Variants in RFX3 observed in about 807,000 individuals in gnomAD.
RFX3 encodes regulatory factor X3, also known as transcription factor RFX3.
In RFX3, 14 loss-of-function variants were observed where a neutral mutation model predicts 98.6. The observed-to-expected ratio is 0.14, with a 90% CI of 0.09 to 0.22. The LOEUF is 0.22. Among genes scored for constraint, RFX3 ranks in the 10% least tolerant of loss-of-function variants. The pLI is 1.00. For missense variants in RFX3, 639 were observed against 926.9 expected (o/e 0.69, Z 4.03); for synonymous variants, 383 against 328.4 (o/e 1.17, Z -1.80).
chr9:3,389,778 C>T (rs1013483182), intron 2 of RFX3, among the ~76,000 whole-genome samples: 10 of 151,962 alleles, frequency 6.6e-5, no homozygotes, highest in Non-Finnish European at 1.5e-4. Context: ...TGGGTCCCAC[C>T]CCCAAGATCT....
At position 3,463,141 on chromosome 9, in the gene RFX3, C is replaced by G. The variant is rs569941743; in HGVS notation, c.-9+62606G>C. ...GATTATATATTACTTAACTGTAAGA[C>G]TTTGAGCTACAATAATCAAGAAAAT... On this transcript the variant is annotated intron_variant, in intron 1 of 16. Transcript: ENST00000617270. 3.9e-5 allele frequency among the ~76,000 whole-genome samples: 6 copies of G among 152,100 alleles called. No homozygotes were observed. In the East Asian group the frequency reaches 1.2e-3, roughly 29 times the overall value.
At chr9:3,270,227 A>C (rs777116142) in intron 11 of RFX3, 144 bp downstream of exon 11, 1 of 702,178 alleles carries the variant, frequency 1.4e-6, no homozygotes, top group Non-Finnish European at 2.2e-6. Flanking sequence ...GGCTGCTTTC[A>C]CGCAATATTC....
intron 1 of RFX3, among the ~76,000 whole-genome samples, chr9:3,504,191 T>C (rs1816399456): frequency 1.0e-5 from 1 of 98,680 alleles, no homozygotes; most frequent in Non-Finnish European, 1.7e-5. Context: ...ACATATTATA[T>C]ATTATATATA....
intron 2 of RFX3, among the ~76,000 whole-genome samples, chr9:3,351,494 A>G (rs1413928682): frequency 6.6e-6 from 1 of 152,046 alleles, no homozygotes; most frequent in African/African-American, 2.4e-5. Context: ...CAACAACAAC[A>G]AAGACAGTTT....
chr9:3,460,171 G>A (rs1847561199), intron 1 of RFX3, among the ~76,000 whole-genome samples: 1 of 151,992 alleles, frequency 6.6e-6, no homozygotes, highest in African/African-American at 2.4e-5. Context: ...CAGCTTTATT[G>A]TAGGGAATGT....
At chr9:3,256,102 GA>G (rs1822105287) in intron 14 of RFX3, among the ~76,000 whole-genome samples, 1 of 152,212 alleles carries the variant, frequency 6.6e-6, no homozygotes, top group South Asian at 2.1e-4. Flanking sequence ...GAGTAGCTGG[GA>G]CTACAGGCAA....
intron 11 of RFX3, among the ~76,000 whole-genome samples, chr9:3,268,374 G>C (rs1823935053): frequency 6.6e-6 from 1 of 151,684 alleles, no homozygotes; most frequent in African/African-American, 2.4e-5. Context: ...GATTGACTCT[G>C]ACAACTTTCA....
At chr9:3,351,330 C>T (rs1462352289) in intron 2 of RFX3, among the ~76,000 whole-genome samples, 1 of 151,720 alleles carries the variant, frequency 6.6e-6, no homozygotes, top group East Asian at 1.9e-4. Context: ...TGTAAATATA[C>T]AAACATATAC....
intron 1 of RFX3, among the ~76,000 whole-genome samples, chr9:3,471,598 T>A (rs1446279020): frequency 1.3e-5 from 2 of 152,232 alleles, no homozygotes; most frequent in African/African-American, 4.8e-5. Flanking sequence ...CATAATCACT[T>A]ATGTTCCCAA....
At chr9:3,457,334 C>A (rs1049513640) in intron 1 of RFX3, among the ~76,000 whole-genome samples, 4 of 152,008 alleles carry the variant, frequency 2.6e-5, no homozygotes, top group Non-Finnish European at 4.4e-5. Context: ...CCTAACCATT[C>A]ATATTTGCAA....
chr9:3,412,969 T>A (rs2132205761), intron 1 of RFX3, among the ~76,000 whole-genome samples: 1 of 152,250 alleles, frequency 6.6e-6, no homozygotes, highest in African/African-American at 2.4e-5. Context: ...TTCTAATATG[T>A]TTTATATTGA....
At chr9:3,231,431 G>A (rs537501973) in intron 15 of RFX3, among the ~76,000 whole-genome samples, 1 of 152,222 alleles carries the variant, frequency 6.6e-6, no homozygotes, top group East Asian at 1.9e-4. Context: ...CATATTTATT[G>A]AGGATTTACT....
intron 1 of RFX3, among the ~76,000 whole-genome samples, chr9:3,460,131 C>A (rs1847557878): frequency 6.6e-6 from 1 of 152,038 alleles, no homozygotes; most frequent in African/African-American, 2.4e-5. Context: ...TGGCTTACAA[C>A]CCAGCTTAGA....
chr9:3,325,006 T>A (rs35639292), intron 4 of RFX3, among the ~76,000 whole-genome samples: 6,568 of 151,930 alleles, frequency 0.043, 159 homozygotes, highest in Non-Finnish European at 0.053. Flanking sequence ...AAGAGAGAAC[T>A]TGGTAATACT....
At chr9:3,358,665 A>G (rs563542400) in intron 2 of RFX3, among the ~76,000 whole-genome samples, 1 of 152,220 alleles carries the variant, frequency 6.6e-6, no homozygotes, top group African/African-American at 2.4e-5. Context: ...CATTTTTATT[A>G]TTATCCAGTG....
chr9:3,456,308 A>C (rs1305477664), intron 1 of RFX3, among the ~76,000 whole-genome samples: 1 of 152,216 alleles, frequency 6.6e-6, no homozygotes, highest in Non-Finnish European at 1.5e-5. Flanking sequence ...TTCTTTTAAA[A>C]CATATCCACT....
intron 1 of RFX3, among the ~76,000 whole-genome samples, chr9:3,451,022 A>T (rs898203043): frequency 2.0e-5 from 3 of 152,180 alleles, no homozygotes; most frequent in Admixed American, 6.5e-5. Context: ...TGATTCTAGG[A>T]GTGAAGCAGG....
At position 3,516,013 on chromosome 9, in the gene RFX3, G is replaced by A. The variant is rs1818121532; in HGVS notation, c.-9+9734C>T. On this transcript the variant is annotated intron_variant, in intron 1 of 16. Coordinates refer to ENST00000617270, the MANE Select transcript of RFX3 (RefSeq NM_001282116.2). ...TTAGCCTGCTATGTTCTAAAATCTTGAGAAGTCTACTAACCAAAGTAGTAT... is the reference window on the plus strand; with the variant it reads ...TTAGCCTGCTATGTTCTAAAATCTTAAGAAGTCTACTAACCAAAGTAGTAT... Among the ~76,000 whole-genome samples, 4 of 151,854 alleles carry A rather than the reference G, an allele frequency of 2.6e-5. No individual in the cohort carries two copies. The South Asian group carries it at 8.3e-4, about 32-fold the overall frequency.
chr9:3,334,336 A>G (rs1283920272), intron 3 of RFX3, among the ~76,000 whole-genome samples: 1 of 152,170 alleles, frequency 6.6e-6, no homozygotes, highest in East Asian at 1.9e-4. Flanking sequence ...ATTTCAGAAG[A>G]TACTTACCAC....
Sources: allele counts gnomAD v4.1 joint callset (sites outside exome capture counted in the v4.1 genomes callset), GRCh38; gene constraint gnomAD v4.1.1; transcripts MANE v1.5; gene names NCBI Gene and HGNC (gene_info 2026-07-23, HGNC 2026-07-21).